GAS2: variants seen among roughly 807,000 people sequenced by gnomAD.
GAS2 encodes the protein growth arrest specific 2, also known as growth arrest-specific protein 2.
Under a neutral mutation model 37.5 loss-of-function variants are expected in GAS2, and 20 were observed. The ratio of observed to expected loss-of-function variants is 0.53; its 90% CI spans 0.37 to 0.77. The LOEUF (loss-of-function observed/expected upper bound fraction) is 0.77, where lower values mean the gene tolerates loss of function less well. Ranked by LOEUF, GAS2 falls within the 30% of genes least tolerant of loss-of-function variation. The pLI, the probability that GAS2 is intolerant of heterozygous loss-of-function variation, is 0.00. For synonymous variants in GAS2, 144 were observed against 132.2 expected (o/e 1.09, Z -0.61); for missense variants, 336 against 373.4 (o/e 0.90, Z 0.82).
At chr11:22,649,619 T>C (rs1200175430) in intron 1 of GAS2, among the ~76,000 whole-genome samples, 1 of 152,230 alleles carries the variant, frequency 6.6e-6, no homozygotes, top group Non-Finnish European at 1.5e-5. Context: ...TATTCAGAGA[T>C]TCAACTTCTT....
intron 3 of GAS2, among the ~76,000 whole-genome samples, chr11:22,689,556 A>G (rs559780159): frequency 6.6e-6 from 1 of 152,342 alleles, no homozygotes; most frequent in Non-Finnish European, 1.5e-5. Context: ...GTTAGTATGT[A>G]TATCTTCATG....
chr11:22,749,386 C>A, intron 6 of GAS2, 125 bp downstream of exon 6: 3 of 864,476 alleles, frequency 3.5e-6, no homozygotes, highest in South Asian at 2.3e-5. Flanking sequence ...GTATTTTAAG[C>A]CCATATGAAA....
At chr11:22,735,529 G>A (rs568572997) in intron 4 of GAS2, among the ~76,000 whole-genome samples, 1 of 151,728 alleles carries the variant, frequency 6.6e-6, no homozygotes, top group Admixed American at 6.6e-5. Context: ...TTTCTAATGA[G>A]TCTGTGATAG....
chr11:22,644,108 C>A (rs1848661116), intron 1 of GAS2, among the ~76,000 whole-genome samples: 1 of 151,918 alleles, frequency 6.6e-6, no homozygotes, highest in African/African-American at 2.4e-5. Context: ...TTTTTAATTT[C>A]CTTTAAAGGA....
At chr11:22,778,679 T>C (rs540066967) in intron 7 of GAS2, among the ~76,000 whole-genome samples, 2 of 152,224 alleles carry the variant, frequency 1.3e-5, no homozygotes, top group Non-Finnish European at 2.9e-5. Flanking sequence ...ACAAATGTAA[T>C]ACTTAATTGT....
chr11:22,765,776 C>CAA (rs67856426), intron 7 of GAS2, among the ~76,000 whole-genome samples: 21,857 of 140,880 alleles, frequency 0.16, 1,699 homozygotes, highest in East Asian at 0.24. Context: ...GAGACTCTGT[C>CAA]AAAAAAAAAA....
chr11:22,651,825 C>T (rs1329447878), intron 1 of GAS2, among the ~76,000 whole-genome samples: 3 of 152,116 alleles, frequency 2.0e-5, no homozygotes, highest in Non-Finnish European at 2.9e-5. Flanking sequence ...TTCTTCTAAA[C>T]TTTTTTCAAA....
chr11:22,717,672 A>G (rs1851747207), intron 3 of GAS2, among the ~76,000 whole-genome samples: 1 of 152,188 alleles, frequency 6.6e-6, no homozygotes, highest in South Asian at 2.1e-4. Flanking sequence ...AGCAATCACC[A>G]GAGTAAACAG....
intron 7 of GAS2, among the ~76,000 whole-genome samples, chr11:22,793,886 T>A (rs1856299075): frequency 6.6e-6 from 1 of 152,096 alleles, no homozygotes; most frequent in South Asian, 2.1e-4. Context: ...AATTAAAATG[T>A]TAGGAAATGG....
At chr11:22,643,913 CT>C (rs1222080958) in intron 1 of GAS2, among the ~76,000 whole-genome samples, 1 of 152,012 alleles carries the variant, frequency 6.6e-6, no homozygotes, top group Non-Finnish European at 1.5e-5. Context: ...ATCTCCAAAA[CT>C]TTTATGTGAA....
intron 1 of GAS2, among the ~76,000 whole-genome samples, chr11:22,652,736 C>T (rs867065834): frequency 3.3e-5 from 5 of 152,212 alleles, no homozygotes; most frequent in Non-Finnish European, 5.9e-5. Context: ...ACTCCCTGAC[C>T]CCTTGCGCTT....
chr11:22,806,114 G>A (rs1432785006), intron 7 of GAS2, among the ~76,000 whole-genome samples: 1 of 152,102 alleles, frequency 6.6e-6, no homozygotes, highest in Non-Finnish European at 1.5e-5. Flanking sequence ...ATGCAGCCCA[G>A]TAGGTCTCAG....
rs771532013 is a variant in GAS2, at chr11:22,684,864, C to T, written c.146-804C>T. 9.8e-5 allele frequency among the ~76,000 whole-genome samples: 15 copies of T among 152,322 alleles called. 1 individual carries two copies. Among genetic ancestry groups the T allele is most frequent in the South Asian group, 8.3e-4 (4 of 4,830 alleles). ...GGATTACAGGCCTGAGCTACTGTGC[C>T]CCGCCTACCTGTATTATTTTAATCA... On this transcript the variant is annotated intron_variant, in intron 2 of 7. Transcript: ENST00000454584.
Position 22,812,699 on chromosome 11 carries a change from T to C in GAS2, c.*683T>C, listed in dbSNP as rs950341027. The C allele has an allele frequency of 2.0e-5, 3 of 152,638 alleles. No individual in the cohort carries two copies. Among genetic ancestry groups the C allele is most frequent in the African/African-American group, 7.2e-5 (3 of 41,456 alleles). 9.5% of individuals were successfully genotyped at this position (152,638 alleles called of 1,614,324 possible). ...TCACACATTCCTGAGCACATGGCTGTGTTTAGAATGATCTAGTGTAATTCA... is the reference window on the plus strand; with the variant it reads ...TCACACATTCCTGAGCACATGGCTGCGTTTAGAATGATCTAGTGTAATTCA... On this transcript the variant is annotated 3_prime_UTR_variant, in exon 8 of 8. Coordinates refer to ENST00000454584, the MANE Select transcript of GAS2 (RefSeq NM_001143830.3).
At chr11:22,733,748 G>A (rs1030684582) in intron 4 of GAS2, among the ~76,000 whole-genome samples, 9 of 151,478 alleles carry the variant, frequency 5.9e-5, no homozygotes, top group Non-Finnish European at 1.3e-4. Flanking sequence ...TTTTCCCAGA[G>A]GTGTTTTACA....
At chr11:22,700,221 C>T (rs1455548444) in intron 3 of GAS2, among the ~76,000 whole-genome samples, 1 of 152,124 alleles carries the variant, frequency 6.6e-6, no homozygotes, top group Non-Finnish European at 1.5e-5. Context: ...CATATAGATG[C>T]TCAGTAGACA....
chr11:22,671,696 A>G (rs1413488872), intron 1 of GAS2, among the ~76,000 whole-genome samples: 1 of 152,088 alleles, frequency 6.6e-6, no homozygotes. Flanking sequence ...TCTGATCCAT[A>G]TTGACTAAAC....
At chr11:22,643,164 G>A (rs1848649938) in intron 1 of GAS2, among the ~76,000 whole-genome samples, 1 of 151,852 alleles carries the variant, frequency 6.6e-6, no homozygotes, top group Non-Finnish European at 1.5e-5. Context: ...TAATTCATGA[G>A]CTTTAAAGGC....
At chr11:22,695,946 T>TTTC (rs1423637284) in intron 3 of GAS2, among the ~76,000 whole-genome samples, 2 of 152,102 alleles carry the variant, frequency 1.3e-5, no homozygotes, top group Non-Finnish European at 2.9e-5. Flanking sequence ...TTTTTTAAAT[T>TTTC]TTATTATTAT....
Sources: gnomAD v4.1 joint callset for allele counts (sites outside exome capture counted in the v4.1 genomes callset) on GRCh38, gnomAD v4.1.1 for gene constraint, MANE v1.5 for transcripts, NCBI Gene and HGNC (gene_info 2026-07-23, HGNC 2026-07-21) for gene names.